Variants in LOC400499 observed in about 807,000 individuals in gnomAD.
the LOC400499 span, among the ~76,000 whole-genome samples, chr16:11,410,461 A>T: frequency 6.6e-6 from 1 of 152,220 alleles, no homozygotes; most frequent in Non-Finnish European, 1.5e-5. Flanking sequence ...CTCAAAAAAA[A>T]TTTAAAAATT....
At chr16:11,431,756 CAG>C in the LOC400499 span, among the ~76,000 whole-genome samples, 2 of 152,132 alleles carry the variant, frequency 1.3e-5, no homozygotes, top group Non-Finnish European at 2.9e-5. Flanking sequence ...AGGTGTGAAA[CAG>C]TGTGTTTGCA....
the LOC400499 span, among the ~76,000 whole-genome samples, chr16:11,468,818 G>C: frequency 6.6e-6 from 1 of 152,138 alleles, no homozygotes; most frequent in Admixed American, 6.6e-5. Flanking sequence ...ATCAGAGGCA[G>C]GGTTTCACCA....
the LOC400499 span, chr16:11,392,783 C>T: frequency 1.3e-5 from 13 of 984,194 alleles, no homozygotes; most frequent in Admixed American, 6.1e-5. Context: ...GTGGCTGGAT[C>T]ACAGCTCACT....
the LOC400499 span, among the ~76,000 whole-genome samples, chr16:11,506,641 G>A: frequency 3.3e-5 from 5 of 152,060 alleles, no homozygotes; most frequent in African/African-American, 1.2e-4. Context: ...TGTTCCTTAG[G>A]GACGCCCTTG....
chr16:11,439,453 G>C, the LOC400499 span: 1 of 398,930 alleles, frequency 2.5e-6, no homozygotes. Flanking sequence ...CTTGGCAGGC[G>C]AGTCAAGGTC....
At chr16:11,438,912 T>G in the LOC400499 span, among the ~76,000 whole-genome samples, 1 of 152,136 alleles carries the variant, frequency 6.6e-6, no homozygotes, top group Non-Finnish European at 1.5e-5. Flanking sequence ...CTGGGCAACA[T>G]AGTGAGACCC....
At chr16:11,454,310 GT>G in the LOC400499 span, among the ~76,000 whole-genome samples, 1 of 152,188 alleles carries the variant, frequency 6.6e-6, no homozygotes, top group East Asian at 1.9e-4. Flanking sequence ...GTTAACTTGT[GT>G]TCCCCCAAAA....
At chr16:11,483,342 T>C in the LOC400499 span, among the ~76,000 whole-genome samples, 247 of 152,246 alleles carry the variant, frequency 1.6e-3, 3 homozygotes, top group Non-Finnish European at 2.0e-3. Context: ...GCCTAAAAAC[T>C]TGTACACAAA....
the LOC400499 span, among the ~76,000 whole-genome samples, chr16:11,515,754 G>C: frequency 6.7e-6 from 1 of 150,030 alleles, no homozygotes; most frequent in Admixed American, 6.6e-5. Flanking sequence ...GAAAAGGGAG[G>C]AGGAGGAGAA....
chr16:11,441,146 C>A, the LOC400499 span: 1 of 398,438 alleles, frequency 2.5e-6, no homozygotes, highest in South Asian at 1.4e-4. Context: ...AGAAGCTACC[C>A]TGGGAATCCA....
chr16:11,411,196 G>A, the LOC400499 span: 1 of 399,154 alleles, frequency 2.5e-6, no homozygotes, highest in Non-Finnish European at 4.4e-6. Context: ...TCCTGCCTCG[G>A]GCTGGGCATC....
chr16:11,486,269 GGAGGGA>G, the LOC400499 span, among the ~76,000 whole-genome samples: 1 of 49,372 alleles, frequency 2.0e-5, no homozygotes, highest in Non-Finnish European at 3.7e-5. Context: ...ATGGATGGAT[GGAGGGA>G]TGGATGGATG....
chr16:11,422,897 G>A, the LOC400499 span, among the ~76,000 whole-genome samples: 1 of 152,206 alleles, frequency 6.6e-6, no homozygotes, highest in African/African-American at 2.4e-5. Context: ...ACAGAGGTGG[G>A]CTTGCAACCC....
At chr16:11,448,676 A>G in the LOC400499 span, among the ~76,000 whole-genome samples, 1 of 152,200 alleles carries the variant, frequency 6.6e-6, no homozygotes, top group Non-Finnish European at 1.5e-5. Flanking sequence ...GCAGTGAGCT[A>G]TGACAGCATC....
chr16:11,469,614 G>A, the LOC400499 span: 10 of 399,086 alleles, frequency 2.5e-5, no homozygotes, highest in African/African-American at 1.0e-4. Context: ...CTTCTGACCC[G>A]GGCGTGCCCA....
the LOC400499 span, chr16:11,478,407 C>T: frequency 7.5e-6 from 3 of 397,516 alleles, no homozygotes; most frequent in South Asian, 1.4e-4. Context: ...TCAACAGCTT[C>T]GAGGAGGTAA....
At chr16:11,466,281 T>G in the LOC400499 span, among the ~76,000 whole-genome samples, 147 of 152,322 alleles carry the variant, frequency 9.7e-4, 1 homozygote, top group South Asian at 0.015. Context: ...AATAGAACTT[T>G]CTGCAATGAG....
the LOC400499 span, among the ~76,000 whole-genome samples, chr16:11,453,528 G>A: frequency 2.3e-3 from 347 of 152,236 alleles, 4 homozygotes; most frequent in African/African-American, 8.3e-3. Context: ...GGAACAGGAC[G>A]CTGTAAGAAA....
At chr16:11,386,163 C>A in the LOC400499 span, among the ~76,000 whole-genome samples, 1 of 152,240 alleles carries the variant, frequency 6.6e-6, no homozygotes, top group African/African-American at 2.4e-5. Flanking sequence ...TGGTGTCCTG[C>A]AGACCTACCC....
Sources: gnomAD v4.1 joint callset for allele counts (sites outside exome capture counted in the v4.1 genomes callset) on GRCh38, gnomAD v4.1.1 for gene constraint, MANE v1.5 for transcripts.